Variants in LHFPL6 observed in about 807,000 individuals in gnomAD.
The protein encoded by LHFPL6 is LHFPL tetraspan subfamily member 6, also known as LHFPL tetraspan subfamily member 6 protein.
Under a neutral mutation model 20.6 loss-of-function variants are expected in LHFPL6, and 9 were observed. The ratio of observed to expected loss-of-function variants is 0.44; its 90% CI spans 0.26 to 0.76. The LOEUF is 0.76. Ranked by LOEUF, LHFPL6 falls within the 30% of genes least tolerant of loss-of-function variation. LHFPL6 has a pLI of 0.20. For missense variants in LHFPL6, 218 were observed against 253.5 expected (o/e 0.86, Z 0.95); for synonymous variants, 105 against 98.7 (o/e 1.06, Z -0.38).
At chr13:39,472,487 C>A (rs1320232333) in intron 2 of LHFPL6, among the ~76,000 whole-genome samples, 1 of 152,166 alleles carries the variant, frequency 6.6e-6, no homozygotes, top group Non-Finnish European at 1.5e-5. Flanking sequence ...GTCTGATGAA[C>A]AACATACAGC....
chr13:39,575,372 A>G (rs1218117958), intron 2 of LHFPL6, among the ~76,000 whole-genome samples: 2 of 152,134 alleles, frequency 1.3e-5, no homozygotes, highest in Non-Finnish European at 2.9e-5. Context: ...TTTTTAATAC[A>G]TTTTCCTCCA....
intron 2 of LHFPL6, among the ~76,000 whole-genome samples, chr13:39,514,660 C>T (rs375103613): frequency 1.3e-5 from 2 of 152,130 alleles, no homozygotes; most frequent in East Asian, 1.9e-4. Flanking sequence ...GGATGAGAGG[C>T]GGGCAAGGTT....
chr13:39,401,131 A>C (rs2138379120), intron 2 of LHFPL6, among the ~76,000 whole-genome samples: 1 of 152,322 alleles, frequency 6.6e-6, no homozygotes, highest in African/African-American at 2.4e-5. Flanking sequence ...AGACACACTG[A>C]GTAGTCTAAG....
intron 2 of LHFPL6, among the ~76,000 whole-genome samples, chr13:39,500,948 A>T (rs1869273787): frequency 6.6e-6 from 1 of 152,098 alleles, no homozygotes; most frequent in Non-Finnish European, 1.5e-5. Flanking sequence ...GCTGGGCTCT[A>T]CCTCCACAAT....
chr13:39,373,721 C>T (rs959381384), intron 3 of LHFPL6, among the ~76,000 whole-genome samples: 4 of 152,180 alleles, frequency 2.6e-5, no homozygotes, highest in African/African-American at 7.2e-5. Context: ...TATGGCTCCA[C>T]TGCTTGCTTT....
intron 3 of LHFPL6, among the ~76,000 whole-genome samples, chr13:39,365,233 T>C (rs1232155060): frequency 6.6e-6 from 1 of 152,210 alleles, no homozygotes; most frequent in Non-Finnish European, 1.5e-5. Flanking sequence ...CATTTTCCTA[T>C]AAAACCCATG....
intron 2 of LHFPL6, among the ~76,000 whole-genome samples, chr13:39,505,691 C>T (rs982381147): frequency 1.3e-5 from 2 of 152,086 alleles, no homozygotes; most frequent in African/African-American, 4.8e-5. Flanking sequence ...ATGTGTCAAA[C>T]AAGGTTTGGG....
At chr13:39,358,422 A>G (rs1869782817) in intron 3 of LHFPL6, among the ~76,000 whole-genome samples, 1 of 152,198 alleles carries the variant, frequency 6.6e-6, no homozygotes, top group African/African-American at 2.4e-5. Flanking sequence ...TAGATGTAAG[A>G]CCTCAAACTA....
intron 2 of LHFPL6, among the ~76,000 whole-genome samples, chr13:39,430,381 T>C (rs567243423): frequency 6.2e-4 from 95 of 152,320 alleles, no homozygotes; most frequent in Non-Finnish European, 8.2e-4. Context: ...ATGAGATTGG[T>C]GGAAGGACTT....
chr13:39,596,428 AC>A (rs916563974), intron 2 of LHFPL6, among the ~76,000 whole-genome samples: 55 of 152,182 alleles, frequency 3.6e-4, no homozygotes, highest in African/African-American at 1.3e-3. Context: ...CAGCAGCATC[AC>A]CTGAAAACAT....
At chr13:39,428,951 A>G (rs935013875) in intron 2 of LHFPL6, among the ~76,000 whole-genome samples, 8 of 152,046 alleles carry the variant, frequency 5.3e-5, no homozygotes, top group Non-Finnish European at 1.0e-4. Context: ...GTCTTATTTC[A>G]TTTCCAAATA....
intron 3 of LHFPL6, among the ~76,000 whole-genome samples, chr13:39,353,825 T>C (rs1869657480): frequency 6.6e-6 from 1 of 152,192 alleles, no homozygotes; most frequent in Non-Finnish European, 1.5e-5. Context: ...AAGGCGTCTA[T>C]TTATTTTGCA....
At chr13:39,371,797 C>T (rs751263668) in intron 3 of LHFPL6, among the ~76,000 whole-genome samples, 5 of 152,182 alleles carry the variant, frequency 3.3e-5, no homozygotes, top group African/African-American at 4.8e-5. Flanking sequence ...ATAAGAAGCA[C>T]GTGGCATTCC....
intron 2 of LHFPL6, among the ~76,000 whole-genome samples, chr13:39,569,156 CGGAT>C (rs59443260): frequency 3.1e-4 from 30 of 97,342 alleles, no homozygotes; most frequent in South Asian, 2.7e-3. Flanking sequence ...GATGGACGGA[CGGAT>C]GGATGGATGG....
At chr13:39,517,206 A>G (rs1869954007) in intron 2 of LHFPL6, among the ~76,000 whole-genome samples, 1 of 152,222 alleles carries the variant, frequency 6.6e-6, no homozygotes, top group South Asian at 2.1e-4. Flanking sequence ...TGAGTACCCA[A>G]GACTATTTAA....
chr13:39,504,084 A>G (rs917309144), intron 2 of LHFPL6, among the ~76,000 whole-genome samples: 2 of 152,246 alleles, frequency 1.3e-5, no homozygotes, highest in Non-Finnish European at 2.9e-5. Flanking sequence ...AATAATAAAT[A>G]TATGACTGTG....
intron 3 of LHFPL6, among the ~76,000 whole-genome samples, chr13:39,365,061 G>A (rs936307205): frequency 1.3e-5 from 2 of 152,168 alleles, no homozygotes; most frequent in East Asian, 1.9e-4. Flanking sequence ...TTAGTGTATG[G>A]TGATAAAGAT....
intron 2 of LHFPL6, among the ~76,000 whole-genome samples, chr13:39,395,582 C>T (rs1411968803): frequency 2.6e-5 from 4 of 152,222 alleles, no homozygotes; most frequent in East Asian, 3.8e-4. Flanking sequence ...AGTTCCATCA[C>T]TCCGGGCGGG....
intron 2 of LHFPL6, among the ~76,000 whole-genome samples, chr13:39,382,415 G>GT (rs1870466238): frequency 6.6e-6 from 1 of 152,054 alleles, no homozygotes; most frequent in South Asian, 2.1e-4. Context: ...GTTTTGTTTT[G>GT]TTTTTTTGAG....
Sources: gnomAD v4.1 joint callset for allele counts (sites outside exome capture counted in the v4.1 genomes callset) on GRCh38, gnomAD v4.1.1 for gene constraint, MANE v1.5 for transcripts, NCBI Gene and HGNC (gene_info 2026-07-23, HGNC 2026-07-21) for gene names.